The following RMST variants were observed in gnomAD, a reference collection of about 807,000 sequenced individuals.
The protein encoded by RMST is long intergenic non-protein coding RNA 54.
chr12:97,512,216 C>T (rs1879412889), intron 10 of RMST, among the ~76,000 whole-genome samples: 1 of 151,956 alleles, frequency 6.6e-6, no homozygotes, highest in Admixed American at 6.6e-5. Flanking sequence ...TCTGGCGTTC[C>T]TCCCGGTGGG....
At chr12:97,551,587 G>A (rs1056467739) in intron 11 of RMST, among the ~76,000 whole-genome samples, 4 of 152,176 alleles carry the variant, frequency 2.6e-5, no homozygotes, top group African/African-American at 4.8e-5. Flanking sequence ...GTTGTCATGC[G>A]AGAAGTGTAC....
chr12:97,562,204 T>C (rs1884167791), intron 13 of RMST, among the ~76,000 whole-genome samples: 2 of 152,278 alleles, frequency 1.3e-5, no homozygotes, highest in South Asian at 4.1e-4. Flanking sequence ...TCCAAACTTG[T>C]AGAAAGAACC....
intron 5 of RMST, among the ~76,000 whole-genome samples, chr12:97,466,625 G>A (rs1873226330): frequency 6.6e-6 from 1 of 152,060 alleles, no homozygotes; most frequent in African/African-American, 2.4e-5. Context: ...TGGGGAAAAG[G>A]CCTGTAATGA....
At chr12:97,545,976 A>G (rs1233494683) in intron 11 of RMST, among the ~76,000 whole-genome samples, 1 of 152,120 alleles carries the variant, frequency 6.6e-6, no homozygotes, top group Non-Finnish European at 1.5e-5. Context: ...TTCAGATAAC[A>G]GGAAGGATTT....
chr12:97,561,108 A>G (rs998486105), intron 13 of RMST: 1 of 152,226 alleles, frequency 6.6e-6, no homozygotes, highest in Non-Finnish European at 1.5e-5. Flanking sequence ...CTCTTTTAGG[A>G]GCAATGACTA....
chr12:97,511,917 TCAA>T (rs1287985140), intron 10 of RMST, among the ~76,000 whole-genome samples: 1 of 152,236 alleles, frequency 6.6e-6, no homozygotes, highest in Non-Finnish European at 1.5e-5. Context: ...ACAATCTAAA[TCAA>T]CAAGACAATA....
chr12:97,533,951 A>C (rs1881877701), intron 11 of RMST, among the ~76,000 whole-genome samples: 1 of 151,812 alleles, frequency 6.6e-6, no homozygotes, highest in African/African-American at 2.4e-5. Flanking sequence ...GCCTGTGAAG[A>C]AAGTCAAAGA....
chr12:97,470,241 T>A (rs555005982), intron 5 of RMST, among the ~76,000 whole-genome samples: 1 of 152,102 alleles, frequency 6.6e-6, no homozygotes, highest in Non-Finnish European at 1.5e-5. Context: ...ATGCTCCACA[T>A]TTTTTACCGT....
chr12:97,504,906 C>G (rs1428766608), intron 10 of RMST, among the ~76,000 whole-genome samples: 1 of 149,434 alleles, frequency 6.7e-6, no homozygotes, highest in African/African-American at 2.6e-5. Context: ...TGGACTTTCT[C>G]TCTCTGATGA....
Position 97,502,535 on chromosome 12 carries a change from A to C in RMST, n.1340+6479A>C, listed in dbSNP as rs151080215. Among the ~76,000 whole-genome samples, 35 of 152,280 alleles carry C rather than the reference A, an allele frequency of 2.3e-4. No individual in the cohort carries two copies. In the East Asian group the frequency reaches 5.2e-3, roughly 23 times the overall value. On this transcript the variant is annotated intron_variant and non_coding_transcript_variant, in intron 10 of 13. Transcript: ENST00000640149. Reference sequence around the variant, plus strand: ...CAGTACAATGGTGCAATCACAGCTCACTGCAGTCTCCACTTTCTGAGCTCA... The same window carrying C: ...CAGTACAATGGTGCAATCACAGCTCCCTGCAGTCTCCACTTTCTGAGCTCA...
At chr12:97,499,416 C>T (rs1449888329) in intron 10 of RMST, among the ~76,000 whole-genome samples, 2 of 151,964 alleles carry the variant, frequency 1.3e-5, no homozygotes, top group East Asian at 3.9e-4. Flanking sequence ...ATTTTCTGCA[C>T]CCATGTTTTG....
chr12:97,537,220 A>C (rs1459473996), intron 11 of RMST, among the ~76,000 whole-genome samples: 1 of 151,450 alleles, frequency 6.6e-6, no homozygotes, highest in Non-Finnish European at 1.5e-5. Context: ...AGTTTGACCA[A>C]AATCCTTTCT....
intron 5 of RMST, among the ~76,000 whole-genome samples, chr12:97,482,379 G>A (rs918567013): frequency 3.9e-5 from 6 of 152,100 alleles, no homozygotes; most frequent in African/African-American, 1.4e-4. Context: ...CAAACAGGCA[G>A]CAGCCTGGGT....
intron 11 of RMST, among the ~76,000 whole-genome samples, chr12:97,558,300 G>A (rs1883849595): frequency 6.6e-6 from 1 of 152,104 alleles, no homozygotes; most frequent in Admixed American, 6.6e-5. Flanking sequence ...AAGAGTTCTG[G>A]CCGATGGCTT....
At chr12:97,509,613 T>A (rs1879072095) in intron 10 of RMST, among the ~76,000 whole-genome samples, 1 of 152,032 alleles carries the variant, frequency 6.6e-6, no homozygotes, top group Non-Finnish European at 1.5e-5. Flanking sequence ...TCTCTCTCCC[T>A]CCCCTGACCC....
chr12:97,464,443 A>G (rs1401342271), intron 4 of RMST, among the ~76,000 whole-genome samples: 1 of 152,224 alleles, frequency 6.6e-6, no homozygotes, highest in Non-Finnish European at 1.5e-5. Context: ...ATATATTGTT[A>G]TGTAAATACT....
intron 10 of RMST, among the ~76,000 whole-genome samples, chr12:97,509,056 A>G (rs1371190514): frequency 2.0e-5 from 3 of 152,230 alleles, no homozygotes; most frequent in Non-Finnish European, 4.4e-5. Context: ...TTTTATGGTA[A>G]AATGAATTCT....
chr12:97,556,730 G>A (rs1004732331), intron 11 of RMST, among the ~76,000 whole-genome samples: 4 of 152,122 alleles, frequency 2.6e-5, no homozygotes, highest in African/African-American at 9.7e-5. Context: ...GCATGTTCAT[G>A]GGCAAACAGC....
intron 11 of RMST, among the ~76,000 whole-genome samples, chr12:97,542,379 T>G (rs17418889): frequency 0.031 from 4,691 of 151,850 alleles, 134 homozygotes; most frequent in East Asian, 0.055. Flanking sequence ...TAATATGGCA[T>G]GGAAATCATT....
Sources: gnomAD v4.1 joint callset for allele counts (sites outside exome capture counted in the v4.1 genomes callset) on GRCh38, gnomAD v4.1.1 for gene constraint, MANE v1.5 for transcripts, NCBI Gene and HGNC (gene_info 2026-07-23, HGNC 2026-07-21) for gene names.